The following CCSER1 variants were observed in gnomAD, a reference collection of about 807,000 sequenced individuals.
CCSER1 encodes the protein serine-rich coiled-coil domain-containing protein 1.
A neutral mutation model predicts 82.0 loss-of-function variants in CCSER1; 41 were observed. That is an observed-to-expected ratio of 0.50 (90% confidence interval 0.39 to 0.65). The LOEUF (loss-of-function observed/expected upper bound fraction) is 0.65, where lower values mean the gene tolerates loss of function less well. Ranked by LOEUF, CCSER1 falls within the 30% of genes least tolerant of loss-of-function variation. CCSER1 has a pLI of 0.00. For missense variants in CCSER1, 1,119 were observed against 1,064.2 expected (o/e 1.05, Z -0.72); for synonymous variants, 414 against 383.9 (o/e 1.08, Z -0.92).
intron 10 of CCSER1, among the ~76,000 whole-genome samples, chr4:91,381,534 A>G (rs1196645206): frequency 2.0e-5 from 3 of 152,164 alleles, no homozygotes; most frequent in African/African-American, 4.8e-5. Context: ...CATTGATCAA[A>G]TCGGCTACTA....
At chr4:91,309,548 G>A (rs1745309360) in intron 10 of CCSER1, among the ~76,000 whole-genome samples, 1 of 151,874 alleles carries the variant, frequency 6.6e-6, no homozygotes, top group South Asian at 2.1e-4. Context: ...TTTTTCTTCA[G>A]ACAATATTTC....
intron 5 of CCSER1, among the ~76,000 whole-genome samples, chr4:90,468,806 A>G (rs1321904713): frequency 1.3e-5 from 2 of 152,082 alleles, no homozygotes; most frequent in Non-Finnish European, 2.9e-5. Flanking sequence ...ACTTTATACT[A>G]TTTTAGTGTT....
chr4:91,210,701 G>A (rs892576040), intron 10 of CCSER1, among the ~76,000 whole-genome samples: 1 of 151,750 alleles, frequency 6.6e-6, no homozygotes, highest in Non-Finnish European at 1.5e-5. Context: ...ACTGTAGATT[G>A]AAGAAGATAA....
chr4:91,345,387 A>C (rs1044711307), intron 10 of CCSER1, among the ~76,000 whole-genome samples: 4 of 152,180 alleles, frequency 2.6e-5, no homozygotes, highest in African/African-American at 9.7e-5. Context: ...ACTCCATCTC[A>C]AAAATGAAGA....
chr4:90,788,619 C>T (rs981367368), intron 7 of CCSER1, among the ~76,000 whole-genome samples: 1 of 152,114 alleles, frequency 6.6e-6, no homozygotes, highest in Non-Finnish European at 1.5e-5. Context: ...AGGCTCACTT[C>T]CCTCCAGTAT....
chr4:90,736,774 C>G (rs982186550), intron 7 of CCSER1, among the ~76,000 whole-genome samples: 1 of 151,874 alleles, frequency 6.6e-6, no homozygotes, highest in Admixed American at 6.6e-5. Flanking sequence ...TTCCTTCTTT[C>G]CTCCCTTGCT....
At chr4:91,228,924 A>G (rs780117560) in intron 10 of CCSER1, among the ~76,000 whole-genome samples, 1 of 152,110 alleles carries the variant, frequency 6.6e-6, no homozygotes, top group Non-Finnish European at 1.5e-5. Flanking sequence ...GTTATATAAT[A>G]TATGTTACAT....
rs59176574 is a variant in CCSER1 at position 91,114,148 on chromosome 4, A to G, written c.2217+28154A>G. Among the ~76,000 whole-genome samples, 675 of 152,264 alleles carry G rather than the reference A, an allele frequency of 4.4e-3. 6 individuals carry two copies. Among genetic ancestry groups the G allele is most frequent in the African/African-American group, 0.015 (634 of 41,566 alleles). On this transcript the variant is annotated intron_variant, in intron 10 of 10. Coordinates refer to ENST00000509176, the MANE Select transcript of CCSER1 (RefSeq NM_001145065.2). ...ATTACAGGCTTGAGCCACCATGCCC[A>G]GCCAATAGCTACTATTAAGATAGAG...
At chr4:90,887,249 A>T (rs1197064228) in intron 8 of CCSER1, among the ~76,000 whole-genome samples, 1 of 152,158 alleles carries the variant, frequency 6.6e-6, no homozygotes, top group Non-Finnish European at 1.5e-5. Flanking sequence ...CATAAATAAC[A>T]AAACTCACCT....
chr4:91,566,655 G>A (rs1215325233), intron 10 of CCSER1, among the ~76,000 whole-genome samples: 1 of 152,024 alleles, frequency 6.6e-6, no homozygotes, highest in African/African-American at 2.4e-5. Context: ...ATCTCTTCTA[G>A]ATTTTCTAGT....
intron 10 of CCSER1, among the ~76,000 whole-genome samples, chr4:91,563,370 A>G (rs1365093255): frequency 6.6e-6 from 1 of 151,840 alleles, no homozygotes; most frequent in African/African-American, 2.4e-5. Flanking sequence ...ATGGTTCAAC[A>G]TACACAAATC....
chr4:91,277,526 CTT>C lies in CCSER1; in HGVS notation c.2217+191547_2217+191548del, dbSNP rs552319172. On this transcript the variant is annotated intron_variant, in intron 10 of 10. Transcript: ENST00000509176. ...TTGTTATTGTGGTATCCATTTTGTC[CTT>C]TTTTTTTTTTTTTTGGCTTCTGATT... Among the ~76,000 whole-genome samples the C allele has an allele frequency of 8.6e-4, 86 of 99,964 alleles. No homozygotes were observed. In the South Asian group the frequency reaches 0.016, roughly 18 times the overall value. 65.6% of individuals were successfully genotyped at this position (99,964 alleles called of 152,430 possible). A position where few individuals can be genotyped will look rare whatever the true frequency, so the allele number is the denominator to read the frequency against.
At chr4:91,544,225 A>G (rs1306114009) in intron 10 of CCSER1, among the ~76,000 whole-genome samples, 1 of 152,014 alleles carries the variant, frequency 6.6e-6, no homozygotes, top group Admixed American at 6.6e-5. Flanking sequence ...CCAGTTTTTT[A>G]GCTTCTTAGC....
At chr4:90,409,222 G>T (rs1328968267) in intron 4 of CCSER1, among the ~76,000 whole-genome samples, 1 of 152,180 alleles carries the variant, frequency 6.6e-6, no homozygotes, top group Non-Finnish European at 1.5e-5. Context: ...TATTATCCAG[G>T]ACAACTTCCC....
At chr4:91,574,776 CTGTT>C (rs1439880677) in intron 10 of CCSER1, among the ~76,000 whole-genome samples, 1 of 151,974 alleles carries the variant, frequency 6.6e-6, no homozygotes, top group Non-Finnish European at 1.5e-5. Context: ...TTAAAACAAA[CTGTT>C]TGTTACTATG....
chr4:90,900,658 T>C (rs1724503644), intron 8 of CCSER1, among the ~76,000 whole-genome samples: 1 of 151,978 alleles, frequency 6.6e-6, no homozygotes, highest in South Asian at 2.1e-4. Context: ...GTCTGAGAAG[T>C]TGCTTGATAT....
intron 9 of CCSER1, among the ~76,000 whole-genome samples, chr4:91,063,414 A>G (rs568473596): frequency 5.9e-5 from 9 of 152,308 alleles, no homozygotes; most frequent in South Asian, 2.1e-4. Context: ...TATTGTCATC[A>G]TCATTCTTTA....
intron 10 of CCSER1, among the ~76,000 whole-genome samples, chr4:91,210,366 G>C (rs1736711276): frequency 1.3e-5 from 2 of 151,028 alleles, no homozygotes; most frequent in African/African-American, 2.4e-5. Context: ...AGTTTGATGG[G>C]GGATGTCATA....
intron 6 of CCSER1, among the ~76,000 whole-genome samples, chr4:90,652,667 C>A (rs1049120970): frequency 6.6e-6 from 1 of 152,092 alleles, no homozygotes; most frequent in African/African-American, 2.4e-5. Context: ...CCTCAGTGGA[C>A]CTTTTTATGA....
Sources: allele counts gnomAD v4.1 joint callset (sites outside exome capture counted in the v4.1 genomes callset), GRCh38; gene constraint gnomAD v4.1.1; transcripts MANE v1.5; gene names NCBI Gene and HGNC (gene_info 2026-07-23, HGNC 2026-07-21).